PALS2: variants seen among roughly 807,000 people sequenced by gnomAD.
PALS2 encodes the protein protein associated with LIN7 2, MAGUK p55 family member, also known as protein PALS2.
Under a neutral mutation model 61.6 loss-of-function variants are expected in PALS2, and 27 were observed. The ratio of observed to expected loss-of-function variants is 0.44; its 90% confidence interval spans 0.32 to 0.60. The LOEUF is 0.60. PALS2 is among the 20% of genes least tolerant of loss of function. The pLI, the probability that PALS2 is intolerant of heterozygous loss-of-function variation, is 0.05. For missense variants in PALS2, 554 were observed against 639.4 expected (o/e 0.87, Z 1.44); for synonymous variants, 236 against 218.6 (o/e 1.08, Z -0.70).
At position 24,651,513 on chromosome 7, in the gene PALS2, C is replaced by G. The variant is rs114344802; in HGVS notation, c.651+801C>G. Among the ~76,000 whole-genome samples the G allele has an allele frequency of 3.6e-3, 543 of 152,290 alleles. 6 individuals carry two copies. The highest frequency in any genetic ancestry group is 0.012 in the African/African-American group (516 of 41,566). ...TAAACGAGTTAATTCATGTAATGCT[C>G]TCACAGCAACACCTGGCACATAATG... On this transcript the variant is annotated intron_variant, in intron 5 of 11. Coordinates refer to ENST00000222644, the MANE Select transcript of PALS2 (RefSeq NM_001303037.2).
intron 1 of PALS2, among the ~76,000 whole-genome samples, chr7:24,607,842 A>G (rs76420710): frequency 0.039 from 5,924 of 152,132 alleles, 157 homozygotes; most frequent in Non-Finnish European, 0.058. Flanking sequence ...GAGCTTCAAT[A>G]TGGAAAAATC....
At position 24,662,919 on chromosome 7, in the gene PALS2, CAG is replaced by C. The variant is rs1786812206; in HGVS notation, c.652-670_652-669del. Among the ~76,000 whole-genome samples the C allele has an allele frequency of 2.6e-5, 4 of 151,846 alleles. No homozygotes were observed. The South Asian group carries it at 8.3e-4, about 32-fold the overall frequency. Reference sequence around the variant, plus strand: ...CCCAAATTTCGGAGATCATAACTAACAGTGTTAACTGACATACTTTTATTAAT... The same window carrying C: ...CCCAAATTTCGGAGATCATAACTAACTGTTAACTGACATACTTTTATTAAT... On this transcript the variant is annotated intron_variant, in intron 5 of 11. Coordinates refer to ENST00000222644, the MANE Select transcript of PALS2 (RefSeq NM_001303037.2).
intron 10 of PALS2, among the ~76,000 whole-genome samples, chr7:24,680,070 A>G (rs1039402145): frequency 1.3e-5 from 2 of 152,184 alleles, no homozygotes; most frequent in Non-Finnish European, 2.9e-5. Flanking sequence ...CCAATTAATC[A>G]ACATTGAGGT....
intron 1 of PALS2, among the ~76,000 whole-genome samples, chr7:24,587,866 A>C (rs1180111578): frequency 6.6e-6 from 1 of 152,218 alleles, no homozygotes; most frequent in Non-Finnish European, 1.5e-5. Context: ...GTAGGTGAGC[A>C]AGAAAAGTGG....
At chr7:24,616,464 G>C (rs1279568086) in intron 1 of PALS2, among the ~76,000 whole-genome samples, 2 of 152,006 alleles carry the variant, frequency 1.3e-5, no homozygotes, top group East Asian at 3.8e-4. Flanking sequence ...TTTAAAGTCT[G>C]TTTTATCTGA....
chr7:24,650,561 G>T lies in PALS2; in HGVS notation c.500G>T (p.Gly167Val). Reference sequence around the variant, plus strand: ...CATGGGGGAATGATAGATCGACAAGGTCTACTTCATGTGGGAGATATAATT... The same window carrying T: ...CATGGGGGAATGATAGATCGACAAGTTCTACTTCATGTGGGAGATATAATT... ...ILHGGMIDRQGLLHVGDIIKE... is the reference protein window; with the variant it reads ...ILHGGMIDRQVLLHVGDIIKE... The change falls in exon 5 of 12, where the codon GGT becomes GTT. Residue 167 changes from glycine to valine, a missense_variant. Physicochemically the swap from Gly to Val is moderately radical, Grantham distance 109. Coordinates refer to ENST00000222644, the MANE Select transcript of PALS2 (RefSeq NM_001303037.2). 1 of 1,613,560 alleles carries T rather than the reference G, an allele frequency of 6.2e-7. No homozygotes were observed.
chr7:24,641,889 A>G (rs1224290222), intron 3 of PALS2, 21 bp downstream of exon 3: 3 of 1,604,950 alleles, frequency 1.9e-6, no homozygotes, highest in African/African-American at 2.7e-5. Flanking sequence ...CTATCACTCA[A>G]CTCTCAAGTT....
At chr7:24,685,542 C>T (rs1359503986) in intron 11 of PALS2, among the ~76,000 whole-genome samples, 1 of 151,988 alleles carries the variant, frequency 6.6e-6, no homozygotes, top group Non-Finnish European at 1.5e-5. Context: ...CAAAATGTGC[C>T]TGCATTTTTC....
chr7:24,634,222 T>C (rs1289970685), intron 2 of PALS2, among the ~76,000 whole-genome samples: 2 of 152,030 alleles, frequency 1.3e-5, no homozygotes, highest in African/African-American at 2.4e-5. Context: ...GAAGTTTTTG[T>C]TTTTTGTTTT....
rs79331826 is a variant in PALS2, at chr7:24,604,072, A to C, written c.-2-19594A>C. On this transcript the variant is annotated intron_variant, in intron 1 of 11. Coordinates refer to ENST00000222644, the MANE Select transcript of PALS2 (RefSeq NM_001303037.2). Reference sequence around the variant, plus strand: ...AATTAAAGGAAAATACAGTCTGGGCATTGTGACATGTGCCTGTAGTCCCAG... The same window carrying C: ...AATTAAAGGAAAATACAGTCTGGGCCTTGTGACATGTGCCTGTAGTCCCAG... 6.7e-3 allele frequency among the ~76,000 whole-genome samples: 1,025 copies of C among 152,162 alleles called. 11 individuals carry two copies. The highest frequency in any genetic ancestry group is 0.024 in the African/African-American group (979 of 41,540).
intron 2 of PALS2, among the ~76,000 whole-genome samples, chr7:24,635,094 A>G (rs143849879): frequency 1.1e-4 from 16 of 152,150 alleles, no homozygotes; most frequent in African/African-American, 2.2e-4. Flanking sequence ...CAGTTTGTCA[A>G]TTTCTATAAA....
chr7:24,615,960 C>T (rs1784280631), intron 1 of PALS2, among the ~76,000 whole-genome samples: 1 of 152,144 alleles, frequency 6.6e-6, no homozygotes, highest in Admixed American at 6.5e-5. Flanking sequence ...ACATAATCAT[C>T]TCAATAGATG....
At chr7:24,632,923 TCTC>T (rs1255432259) in intron 2 of PALS2, among the ~76,000 whole-genome samples, 25 of 152,132 alleles carry the variant, frequency 1.6e-4, no homozygotes, top group Admixed American at 1.6e-3. Flanking sequence ...TTTTAGCAGT[TCTC>T]CTTGATTTTG....
intron 2 of PALS2, among the ~76,000 whole-genome samples, chr7:24,628,880 A>C (rs935072749): frequency 6.6e-6 from 1 of 152,230 alleles, no homozygotes; most frequent in East Asian, 1.9e-4. Flanking sequence ...GCTCATGGAT[A>C]GGAAGAATCA....
chr7:24,586,074 G>T (rs1054279818), intron 1 of PALS2, among the ~76,000 whole-genome samples: 1 of 152,068 alleles, frequency 6.6e-6, no homozygotes, highest in Non-Finnish European at 1.5e-5. Flanking sequence ...CAAATAAAAA[G>T]ATTATATAGT....
Position 24,689,694 on chromosome 7 carries a change from A to G in PALS2, c.*2080A>G, listed in dbSNP as rs1444596041. ...CAAAATGGATTATACTATTTTAATA[A>G]CAGTGGAAACTTTCAAACTACATGT... On this transcript the variant is annotated 3_prime_UTR_variant, in exon 12 of 12. Transcript: ENST00000222644. 1 of 152,132 alleles carries G rather than the reference A, an allele frequency of 6.6e-6. No individual in the cohort carries two copies. Among genetic ancestry groups the G allele is most frequent in the African/African-American group, 2.4e-5 (1 of 41,426 alleles). 9.4% of individuals were successfully genotyped at this position (152,132 alleles called of 1,614,324 possible).
chr7:24,693,817 C>T lies in PALS2; in HGVS notation c.*6203C>T, dbSNP rs978136207. ...GTATTCAGCAACAAGTGCAATTTCT[C>T]CATGTTATGTTGAGCTCTGTTGGAG... On this transcript the variant is annotated 3_prime_UTR_variant, in exon 12 of 12. Coordinates refer to ENST00000222644, the MANE Select transcript of PALS2 (RefSeq NM_001303037.2). 16 of 152,054 alleles carry T rather than the reference C, an allele frequency of 1.1e-4. No individual in the cohort carries two copies. Among genetic ancestry groups the T allele is most frequent in the Admixed American group, 1.0e-3 (16 of 15,246 alleles). The allele number at this position is 152,054 out of a possible 1,614,324, so 9.4% of individuals were successfully genotyped here.
chr7:24,639,366 C>T (rs1363560325), intron 2 of PALS2, among the ~76,000 whole-genome samples: 5 of 151,418 alleles, frequency 3.3e-5, no homozygotes, highest in Non-Finnish European at 5.9e-5. Flanking sequence ...TCAGTTTCTT[C>T]GTCCATAGTG....
At chr7:24,579,789 T>G (rs1309107972) in intron 1 of PALS2, among the ~76,000 whole-genome samples, 1 of 152,224 alleles carries the variant, frequency 6.6e-6, no homozygotes, top group African/African-American at 2.4e-5. Context: ...CAATTTCATT[T>G]GATAAATCTA....
Sources: allele counts gnomAD v4.1 joint callset (sites outside exome capture counted in the v4.1 genomes callset), GRCh38; gene constraint gnomAD v4.1.1; transcripts MANE v1.5; gene names NCBI Gene and HGNC (gene_info 2026-07-23, HGNC 2026-07-21).